Variants in FARS2 observed in about 807,000 individuals in gnomAD.
FARS2 encodes the protein phenylalanyl-tRNA synthetase 2, mitochondrial.
In FARS2, 40 loss-of-function variants were observed where a neutral mutation model predicts 46.4. The observed-to-expected ratio is 0.86, with a 90% CI of 0.67 to 1.12. The LOEUF is 1.12. FARS2 is among the 50% of genes most tolerant of loss of function. The probability of loss-of-function intolerance (pLI) is 0.00; values close to 1 mark genes in which losing one functional copy is unlikely to be tolerated. For synonymous variants in FARS2, 234 were observed against 214.9 expected, an observed-to-expected ratio of 1.09 and a Z score of -0.78; for missense variants, 513 against 567.9, an observed-to-expected ratio of 0.90 and a Z score of 0.98.
intron 4 of FARS2, among the ~76,000 whole-genome samples, chr6:5,496,476 G>T (rs1033557035): frequency 2.6e-5 from 4 of 152,154 alleles, no homozygotes; most frequent in Non-Finnish European, 5.9e-5. Context: ...CTTGCTACGG[G>T]TGCCATAACA....
At chr6:5,521,150 T>C (rs1388014105) in intron 4 of FARS2, among the ~76,000 whole-genome samples, 1 of 152,140 alleles carries the variant, frequency 6.6e-6, no homozygotes, top group Non-Finnish European at 1.5e-5. Context: ...TTTTTAACTT[T>C]CAAAGAACAC....
At chr6:5,662,159 G>A (rs528279057) in intron 6 of FARS2, among the ~76,000 whole-genome samples, 4 of 152,212 alleles carry the variant, frequency 2.6e-5, no homozygotes, top group South Asian at 2.1e-4. Flanking sequence ...TCCACCTAAC[G>A]TATTTTTAAA....
At chr6:5,267,457 A>C (rs1765626194) in intron 1 of FARS2, among the ~76,000 whole-genome samples, 1 of 152,126 alleles carries the variant, frequency 6.6e-6, no homozygotes. Flanking sequence ...TTGCCATGAA[A>C]AGAACAGTCC....
intron 6 of FARS2, among the ~76,000 whole-genome samples, chr6:5,703,515 A>G (rs1758565335): frequency 6.6e-6 from 1 of 152,176 alleles, no homozygotes; most frequent in South Asian, 2.1e-4. Context: ...TATAGCAGAT[A>G]TACATTTTAT....
intron 4 of FARS2, chr6:5,466,666 C>T: frequency 2.0e-6 from 2 of 985,402 alleles, no homozygotes; most frequent in Non-Finnish European, 2.4e-6. Context: ...GGCAAAGTGA[C>T]TCAGTGATTT....
intron 6 of FARS2, among the ~76,000 whole-genome samples, chr6:5,690,400 C>CA (rs1376513753): frequency 6.6e-6 from 1 of 151,272 alleles, no homozygotes; most frequent in African/African-American, 2.4e-5. Flanking sequence ...CTGGTGGTGA[C>CA]AAAATCTCTC....
chr6:5,634,670 G>A (rs1776457608), intron 6 of FARS2, among the ~76,000 whole-genome samples: 1 of 152,194 alleles, frequency 6.6e-6, no homozygotes. Flanking sequence ...TTCATTTGTG[G>A]TTTGTTTTGC....
chr6:5,418,702 C>T (rs1762379851), intron 3 of FARS2, among the ~76,000 whole-genome samples: 1 of 152,118 alleles, frequency 6.6e-6, no homozygotes. Flanking sequence ...TTACTCTGCC[C>T]TGAGAATTCT....
intron 4 of FARS2, among the ~76,000 whole-genome samples, chr6:5,537,361 G>T (rs1041625088): frequency 7.2e-5 from 11 of 152,192 alleles, no homozygotes; most frequent in African/African-American, 2.7e-4. Context: ...TTGCCACAGT[G>T]CTCTTTGCTC....
At chr6:5,282,111 G>C (rs1316786643) in intron 1 of FARS2, among the ~76,000 whole-genome samples, 1 of 152,184 alleles carries the variant, frequency 6.6e-6, no homozygotes, top group African/African-American at 2.4e-5. Flanking sequence ...TGCAAAATAA[G>C]TACATTGAAA....
At chr6:5,482,234 TATTTG>T (rs1342527015) in intron 4 of FARS2, among the ~76,000 whole-genome samples, 1 of 152,226 alleles carries the variant, frequency 6.6e-6, no homozygotes, top group Non-Finnish European at 1.5e-5. Flanking sequence ...CTGGTATCAG[TATTTG>T]ATATCAGTAC....
Position 5,545,191 on chromosome 6 carries a change from G to T in FARS2, c.916G>T (p.Asp306Tyr), listed in dbSNP as rs1354821900. The change falls in exon 5 of 7, where the codon GAC (aspartate) becomes TAC (tyrosine). Residue 306 changes from aspartate (D) to tyrosine (Y), a missense_variant. Physicochemically the swap from Asp to Tyr is radical, Grantham distance 160. Coordinates refer to ENST00000274680, the MANE Select transcript of FARS2 (RefSeq NM_006567.5). Reference sequence around the variant, plus strand: ...TTTCCTAATCACAGCTGGTGCTCAAGACCGAATCGGCTGGGCTTTTGGCCT... The same window carrying T: ...TTTCCTAATCACAGCTGGTGCTCAATACCGAATCGGCTGGGCTTTTGGCCT... ...QQLVNSAGAQ[D>Y]RIGWAFGLGL... is the part of the protein sequence containing the mutation. 3.1e-6 allele frequency: 5 copies of T among 1,613,702 alleles called. No homozygotes were observed. In the African/African-American group the frequency reaches 5.3e-5, roughly 17 times the overall value.
At chr6:5,319,305 C>T (rs1041859161) in intron 1 of FARS2, among the ~76,000 whole-genome samples, 3 of 152,150 alleles carry the variant, frequency 2.0e-5, no homozygotes, top group South Asian at 2.1e-4. Flanking sequence ...CCAGCATCCA[C>T]GCTAAGAGGT....
intron 4 of FARS2, among the ~76,000 whole-genome samples, chr6:5,512,536 T>C (rs1405886086): frequency 6.6e-6 from 1 of 152,116 alleles, no homozygotes; most frequent in East Asian, 1.9e-4. Context: ...TGTATTCCAC[T>C]TTGTGTCCTA....
chr6:5,494,703 ATGT>A (rs1434975351), intron 4 of FARS2, among the ~76,000 whole-genome samples: 1 of 151,942 alleles, frequency 6.6e-6, no homozygotes, highest in African/African-American at 2.4e-5. Flanking sequence ...TATCATTCCC[ATGT>A]CTCCCTTGCT....
intron 1 of FARS2, among the ~76,000 whole-genome samples, chr6:5,263,570 C>T (rs111502568): frequency 1.8e-3 from 268 of 152,274 alleles, no homozygotes; most frequent in Non-Finnish European, 3.0e-3. Context: ...GGGCCAGAAG[C>T]TGAAGAATGG....
Position 5,285,274 on chromosome 6 carries a change from G to T in FARS2, c.-22+23614G>T, listed in dbSNP as rs369650250. Reference sequence around the variant, plus strand: ...AGGGAGCAGTGTCCAGGAGGCGACCGAGGGGAGCAATAAGCTGGAGGAGGA... The same window carrying T: ...AGGGAGCAGTGTCCAGGAGGCGACCTAGGGGAGCAATAAGCTGGAGGAGGA... On this transcript the variant is annotated intron_variant, in intron 1 of 6. Coordinates refer to ENST00000274680, the MANE Select transcript of FARS2 (RefSeq NM_006567.5). Among the ~76,000 whole-genome samples, 16 of 152,204 alleles carry T rather than the reference G, an allele frequency of 1.1e-4. No individual in the cohort carries two copies. In the South Asian group the frequency reaches 1.5e-3, roughly 14 times the overall value.
chr6:5,593,189 CGTGA>C (rs1774012650), intron 5 of FARS2, among the ~76,000 whole-genome samples: 1 of 152,102 alleles, frequency 6.6e-6, no homozygotes, highest in Non-Finnish European at 1.5e-5. Context: ...TCCTGCCGAC[CGTGA>C]GTGAGTAACA....
At chr6:5,710,642 A>T (rs558286614) in intron 6 of FARS2, among the ~76,000 whole-genome samples, 4 of 152,250 alleles carry the variant, frequency 2.6e-5, no homozygotes, top group African/African-American at 9.6e-5. Context: ...AGACAGAGAT[A>T]GGAATCTGGG....
Sources: allele counts gnomAD v4.1 joint callset (sites outside exome capture counted in the v4.1 genomes callset), GRCh38; gene constraint gnomAD v4.1.1; transcripts MANE v1.5; gene names NCBI Gene and HGNC (gene_info 2026-07-23, HGNC 2026-07-21).